Variants in PRLR observed in about 807,000 individuals in gnomAD.
PRLR encodes the protein prolactin receptor.
Under a neutral mutation model 40.2 loss-of-function variants are expected in PRLR, and 13 were observed. The ratio of observed to expected loss-of-function variants is 0.32; its 90% CI spans 0.21 to 0.51. PRLR has a LOEUF of 0.51. Ranked by LOEUF, PRLR falls within the 20% of genes least tolerant of loss-of-function variation. The pLI, the probability that PRLR is intolerant of heterozygous loss-of-function variation, is 0.97. For synonymous variants in PRLR, 269 were observed against 278.7 expected (o/e 0.97, Z 0.35); for missense variants, 656 against 747.3 (o/e 0.88, Z 1.42).
intron 1 of PRLR, among the ~76,000 whole-genome samples, chr5:35,206,696 G>A (rs1776029166): frequency 6.6e-6 from 1 of 151,882 alleles, no homozygotes; most frequent in Admixed American, 6.6e-5. Context: ...AACTTTAAGT[G>A]TAACCACTTG....
intron 3 of PRLR, among the ~76,000 whole-genome samples, chr5:35,087,584 G>A (rs1004378107): frequency 5.3e-5 from 8 of 151,942 alleles, no homozygotes; most frequent in African/African-American, 1.9e-4. Flanking sequence ...TGTGGTAAGA[G>A]GTAGGAGAGT....
At chr5:35,200,329 A>G (rs1164142216) in intron 1 of PRLR, among the ~76,000 whole-genome samples, 1 of 152,196 alleles carries the variant, frequency 6.6e-6, no homozygotes, top group Non-Finnish European at 1.5e-5. Context: ...GCTGCCCCAG[A>G]ACCTGTCCTC....
At chr5:35,112,037 T>C (rs369473565) in intron 2 of PRLR, among the ~76,000 whole-genome samples, 117 of 152,304 alleles carry the variant, frequency 7.7e-4, no homozygotes, top group African/African-American at 2.5e-3. Flanking sequence ...GGTTAGAAGA[T>C]AGAAATTACT....
At chr5:35,104,729 G>A (rs1579655671) in intron 2 of PRLR, among the ~76,000 whole-genome samples, 1 of 152,146 alleles carries the variant, frequency 6.6e-6, no homozygotes, top group South Asian at 2.1e-4. Context: ...CAGGAAGCTC[G>A]AACTGGGTGG....
chr5:35,205,092 A>G (rs1051694156), intron 1 of PRLR, among the ~76,000 whole-genome samples: 6 of 152,134 alleles, frequency 3.9e-5, no homozygotes, highest in African/African-American at 1.4e-4. Flanking sequence ...TTATTTATTC[A>G]TACTAACTTG....
rs199717939 is a variant in PRLR, at chr5:35,065,622, C to T, written c.1336G>A (p.Ala446Thr). 43 of 1,614,116 alleles carry T rather than the reference C, an allele frequency of 2.7e-5. No homozygotes were observed. In the Admixed American group the frequency reaches 5.7e-4, roughly 21 times the overall value. The change falls in exon 10 of 10, where the codon GCA becomes ACA. Residue 446 changes from alanine (A) to threonine (T), a missense_variant. Ala to Thr is a moderately conservative substitution (Grantham distance 58). Coordinates refer to ENST00000618457, the MANE Select transcript of PRLR (RefSeq NM_000949.7). ...GCTTCATTCAACAGAGTGGCCGGTG[C>T]ACCTGCAGGGCCCACAGCCAGCTCA... ...VCELAVGPAG[A>T]PATLLNEAGK...
intron 1 of PRLR, among the ~76,000 whole-genome samples, chr5:35,219,093 A>AG (rs1247589099): frequency 6.6e-6 from 1 of 152,014 alleles, no homozygotes; most frequent in African/African-American, 2.4e-5. Context: ...GCCTTCCTGG[A>AG]GGGGGGTTGG....
rs557332299 is a variant in PRLR at position 35,106,117 on chromosome 5, A to G, written c.-44+11944T>C. On this transcript the variant is annotated intron_variant, in intron 2 of 9. Coordinates refer to ENST00000618457, the MANE Select transcript of PRLR (RefSeq NM_000949.7). The stretch of plus-strand genomic sequence containing the variant: ...ATTTTCAACCCAGAATTTCATATCC[A>G]GCCAAACTAAGCTTCATAAGTGAAG... Among the ~76,000 whole-genome samples, 530 of 152,330 alleles carry G rather than the reference A, an allele frequency of 3.5e-3. 3 individuals are homozygous for G. The highest frequency in any genetic ancestry group is 0.011 in the African/African-American group (455 of 41,560).
chr5:35,140,847 TC>T (rs1774001825), intron 1 of PRLR, among the ~76,000 whole-genome samples: 2 of 152,292 alleles, frequency 1.3e-5, no homozygotes, highest in Admixed American at 1.3e-4. Context: ...CTGTCTAACA[TC>T]CCTTCTCTGT....
chr5:35,086,086 G>A (rs143355479), intron 4 of PRLR, 122 bp downstream of exon 4: 53 of 1,208,384 alleles, frequency 4.4e-5, no homozygotes, highest in Middle Eastern at 2.1e-4. Flanking sequence ...CCCTTTCCCC[G>A]GTGGTATGAA....
At chr5:35,162,104 C>A (rs1561341604) in intron 1 of PRLR, among the ~76,000 whole-genome samples, 2 of 152,194 alleles carry the variant, frequency 1.3e-5, no homozygotes, top group Admixed American at 6.5e-5. Context: ...CAAGAAAAAT[C>A]CTGGGCATTA....
chr5:35,194,493 C>G (rs1322274072), intron 1 of PRLR, among the ~76,000 whole-genome samples: 1 of 152,212 alleles, frequency 6.6e-6, no homozygotes, highest in Admixed American at 6.5e-5. Context: ...CTTCATCCAC[C>G]CTTTCCATTG....
chr5:35,176,455 A>G (rs999947749), intron 1 of PRLR, among the ~76,000 whole-genome samples: 22 of 152,150 alleles, frequency 1.4e-4, no homozygotes, highest in African/African-American at 4.8e-4. Context: ...AGGAGACTCC[A>G]TTTTGTTCTG....
chr5:35,113,191 TATCC>T (rs999319745), intron 2 of PRLR, among the ~76,000 whole-genome samples: 1 of 117,618 alleles, frequency 8.5e-6, no homozygotes, highest in Non-Finnish European at 1.7e-5. Flanking sequence ...CCCACCCATC[TATCC>T]ATCCATCCAT....
At chr5:35,180,578 CT>C (rs781009835) in intron 1 of PRLR, among the ~76,000 whole-genome samples, 59 of 151,604 alleles carry the variant, frequency 3.9e-4, no homozygotes, top group South Asian at 3.8e-3. Flanking sequence ...CTTTTCTTTT[CT>C]TTTCCCCCCT....
chr5:35,079,530 A>G (rs1246585505), intron 5 of PRLR, among the ~76,000 whole-genome samples: 1 of 152,220 alleles, frequency 6.6e-6, no homozygotes, highest in Non-Finnish European at 1.5e-5. Flanking sequence ...AAGGAGAACT[A>G]CAAACCATTG....
chr5:35,180,847 T>A (rs911166274), intron 1 of PRLR, among the ~76,000 whole-genome samples: 1 of 152,166 alleles, frequency 6.6e-6, no homozygotes, highest in Non-Finnish European at 1.5e-5. Context: ...TCTGTCCTTG[T>A]GATAGTTTGC....
chr5:35,202,406 G>A (rs77711597), intron 1 of PRLR, among the ~76,000 whole-genome samples: 4,382 of 152,226 alleles, frequency 0.029, 82 homozygotes, highest in Middle Eastern at 0.071. Context: ...TCTTCTCCTT[G>A]TGATTTGGTC....
At chr5:35,108,751 A>G (rs1333295199) in intron 2 of PRLR, among the ~76,000 whole-genome samples, 1 of 152,196 alleles carries the variant, frequency 6.6e-6, no homozygotes, top group Non-Finnish European at 1.5e-5. Flanking sequence ...CCATGCTCAT[A>G]GATAGGAATA....
Sources: gnomAD v4.1 joint callset for allele counts (sites outside exome capture counted in the v4.1 genomes callset) on GRCh38, gnomAD v4.1.1 for gene constraint, MANE v1.5 for transcripts, NCBI Gene and HGNC (gene_info 2026-07-23, HGNC 2026-07-21) for gene names.